Variants in RBBP6 observed in about 807,000 individuals in gnomAD.
RBBP6 encodes the protein E3 ubiquitin-protein ligase RBBP6.
A neutral mutation model predicts 167.7 loss-of-function variants in RBBP6; 25 were observed. That is an observed-to-expected ratio of 0.15 (90% CI 0.11 to 0.21). The LOEUF (loss-of-function observed/expected upper bound fraction) is 0.21, where lower values mean the gene tolerates loss of function less well. Among genes scored for constraint, RBBP6 ranks in the 10% least tolerant of loss-of-function variants. The pLI is 1.00. For missense variants in RBBP6, 1,868 were observed against 2,134.2 expected, an observed-to-expected ratio of 0.88 and a Z score of 2.46; for synonymous variants, 789 against 735.8, an observed-to-expected ratio of 1.07 and a Z score of -1.17.
chr16:24,568,998 T>C lies in RBBP6; in HGVS notation c.2308T>C (p.Ser770Pro). ...SPPYRRYHSR[S>P]RSPQAFRGQS... ...CCCTTACAGACGCTATCATTCACGATCAAGATCTCCTCAAGCGTTTAGGGG... is the reference window on the plus strand; with the variant it reads ...CCCTTACAGACGCTATCATTCACGACCAAGATCTCCTCAAGCGTTTAGGGG... Residue 770 changes from serine (S) to proline (P), a missense_variant, in exon 17 of 18, where the codon TCA (serine) becomes CCA (proline). Coordinates refer to ENST00000319715, the MANE Select transcript of RBBP6 (RefSeq NM_006910.5). 1 of 1,614,142 alleles carries C rather than the reference T, an allele frequency of 6.2e-7. No homozygotes were observed. Among genetic ancestry groups the C allele is most frequent in the Non-Finnish European group, 8.5e-7 (1 of 1,180,002 alleles).
At chr16:24,544,067 A>G (rs547985616) in intron 1 of RBBP6, among the ~76,000 whole-genome samples, 1 of 152,330 alleles carries the variant, frequency 6.6e-6, no homozygotes, top group East Asian at 1.9e-4. Context: ...AAAGTCAGTT[A>G]GAACATCTGT....
chr16:24,564,794 C>A lies in RBBP6; in HGVS notation c.1521-3C>A. ...TGAGCCTATTTTTTTTTCTCCCACACAGTTCCAACAAACTTGGCTATCTGG... is the reference window on the plus strand; with the variant it reads ...TGAGCCTATTTTTTTTTCTCCCACAAAGTTCCAACAAACTTGGCTATCTGG... On this transcript the variant is annotated splice_region_variant and splice_polypyrimidine_tract_variant and intron_variant, in intron 13 of 17. Coordinates refer to ENST00000319715, the MANE Select transcript of RBBP6 (RefSeq NM_006910.5). 6.2e-7 allele frequency: 1 copy of A among 1,611,906 alleles called. No individual in the cohort carries two copies. Among genetic ancestry groups the A allele is most frequent in the Non-Finnish European group, 8.5e-7 (1 of 1,178,670 alleles).
chr16:24,561,562 ACT>A, intron 8 of RBBP6, 48 bp from the exon 9 acceptor site: 3 of 1,444,848 alleles, frequency 2.1e-6, no homozygotes, highest in South Asian at 2.4e-5. Context: ...TTTCGTAAAC[ACT>A]TTGAGTTCCT....
chr16:24,568,883 T>C lies in RBBP6; in HGVS notation c.2193T>C (p.Pro731=), dbSNP rs542297262. The C allele has an allele frequency of 4.3e-6, 7 of 1,614,200 alleles. No homozygotes were observed. The African/African-American group carries it at 9.3e-5, about 22-fold the overall frequency. ...RSHSRSYSRS[P]PYPRRGRGKS... ...ATTCTCGTTCCTATTCACGGTCACC[T>C]CCATACCCCAGAAGAGGCAGAGGCA... The change falls in exon 17 of 18, where the codon CCT becomes CCC. Residue 731 remains proline (P), a synonymous_variant. Transcript: ENST00000319715.
intron 7 of RBBP6, among the ~76,000 whole-genome samples, chr16:24,558,173 T>C (rs921131771): frequency 2.1e-4 from 32 of 152,330 alleles, no homozygotes; most frequent in African/African-American, 7.5e-4. Context: ...AAAATTAGTA[T>C]CACCTGTAAA....
rs772786615 is a variant in RBBP6, at chr16:24,571,026, A to G, written c.3960A>G (p.Lys1320=). 1 of 1,612,966 alleles carries G rather than the reference A, an allele frequency of 6.2e-7. No individual in the cohort carries two copies. The highest frequency in any genetic ancestry group is 8.5e-7 in the Non-Finnish European group (1 of 1,178,988). ...VIIMIQVPQS[K]WDKDDFESEE... Reference sequence around the variant, plus strand: ...TTATGATTCAGGTTCCTCAATCCAAATGGGATAAAGATGACTTTGAATCTG... The same window carrying G: ...TTATGATTCAGGTTCCTCAATCCAAGTGGGATAAAGATGACTTTGAATCTG... The change falls in exon 18 of 18, where the codon AAA becomes AAG. Residue 1320 remains lysine (K), a synonymous_variant. Coordinates refer to ENST00000319715, the MANE Select transcript of RBBP6 (RefSeq NM_006910.5).
rs753355720 is a variant in RBBP6 at position 24,570,514 on chromosome 16, G to T, written c.3809+15G>T. On this transcript the variant is annotated intron_variant, in intron 17 of 17. Transcript: ENST00000319715. The stretch of plus-strand genomic sequence containing the variant: ...GATTACACCAGGTAGCTGAGTGTAG[G>T]GGGTGGGTGTGGAACTTTGTTGGGA... 6.5e-7 allele frequency: 1 copy of T among 1,544,058 alleles called. No homozygotes were observed. Among genetic ancestry groups the T allele is most frequent in the East Asian group, 2.2e-5 (1 of 44,450 alleles).
intron 7 of RBBP6, 111 bp from the exon 8 acceptor site, chr16:24,559,394 C>T: frequency 2.5e-6 from 2 of 797,090 alleles, no homozygotes; most frequent in Non-Finnish European, 3.8e-6. Context: ...CTTGTCTAAA[C>T]TAATTTGGCA....
In RBBP6 at chr16:24,569,767, C is replaced by T. The variant is rs1555473648; in HGVS notation, c.3077C>T (p.Ser1026Phe). 2 of 1,613,916 alleles carry T rather than the reference C, an allele frequency of 1.2e-6. No individual in the cohort carries two copies. Among genetic ancestry groups the T allele is most frequent in the Non-Finnish European group, 1.7e-6 (2 of 1,179,972 alleles). Reference sequence around the variant, plus strand: ...AAAACCAAACGGAAGAATGATGGATCTGCTGTGTCCAAAAAAGAAAATATT... The same window carrying T: ...AAAACCAAACGGAAGAATGATGGATTTGCTGTGTCCAAAAAAGAAAATATT... Reference protein sequence around the residue: ...GDKTKRKNDGSAVSKKENIVK... With the variant: ...GDKTKRKNDGFAVSKKENIVK... The change falls in exon 17 of 18, where the codon TCT (serine) becomes TTT (phenylalanine). Residue 1026 changes from serine to phenylalanine, a missense_variant. Coordinates refer to ENST00000319715, the MANE Select transcript of RBBP6 (RefSeq NM_006910.5).
At chr16:24,553,231 C>A in intron 3 of RBBP6, 1 of 320,164 alleles carries the variant, frequency 3.1e-6, no homozygotes, top group Non-Finnish European at 5.9e-6. Flanking sequence ...ATATGGGACT[C>A]CTAGTATTCA....
intron 4 of RBBP6, chr16:24,553,794 A>C (rs1898853838): frequency 3.3e-6 from 1 of 299,246 alleles, no homozygotes; most frequent in African/African-American, 2.1e-5. Flanking sequence ...TTGAAGCTAC[A>C]CTTAATTATT....
intron 8 of RBBP6, among the ~76,000 whole-genome samples, chr16:24,560,766 A>G (rs1487642304): frequency 1.3e-5 from 2 of 152,238 alleles, no homozygotes; most frequent in African/African-American, 4.8e-5. Context: ...ATTACAAGCA[A>G]TCTAGAGATT....
At chr16:24,570,703 T>C (rs1017791894) in intron 17 of RBBP6, among the ~76,000 whole-genome samples, 173 bp from the exon 18 acceptor site, 1 of 152,226 alleles carries the variant, frequency 6.6e-6, no homozygotes, top group African/African-American at 2.4e-5. Flanking sequence ...CACATTTGTG[T>C]TGATACAATC....
rs771572103 is a variant in RBBP6 at position 24,568,789 on chromosome 16, A to G, written c.2099A>G (p.Tyr700Cys). 1.2e-6 allele frequency: 2 copies of G among 1,614,218 alleles called. No individual in the cohort carries two copies. The highest frequency in any genetic ancestry group is 1.1e-5 in the South Asian group (1 of 91,082). ...GGTTCTTCGTATTCAAGAAGTTCAT[A>G]TACTTATTCTAAATCAAGATCTGGT... The part of the protein sequence containing the change: ...YSGSSYSRSS[Y>C]TYSKSRSGST... Residue 700 changes from tyrosine to cysteine, a missense_variant, in exon 17 of 18, where the codon TAT (tyrosine) becomes TGT (cysteine). Physicochemically the swap from Tyr to Cys is radical, Grantham distance 194 (BLOSUM62 -2). Transcript: ENST00000319715.
intron 3 of RBBP6, among the ~76,000 whole-genome samples, chr16:24,552,700 C>T (rs1238713974): frequency 6.6e-6 from 1 of 151,738 alleles, no homozygotes; most frequent in African/African-American, 2.4e-5. Context: ...ACAAAGATGC[C>T]TCTTCAAATA....
In RBBP6 at chr16:24,563,141, A is replaced by G; in HGVS notation, c.1290-58A>G. Reference sequence around the variant, plus strand: ...TGGGTAAACAGCAGCAAACTTTTTTACTCTTAATTGTCCATTTCTGATAAT... The same window carrying G: ...TGGGTAAACAGCAGCAAACTTTTTTGCTCTTAATTGTCCATTTCTGATAAT... On this transcript the variant is annotated intron_variant, in intron 10 of 17. Transcript: ENST00000319715. The G allele has an allele frequency of 3.6e-6, 5 of 1,393,736 alleles. No individual in the cohort carries two copies. In the South Asian group the frequency reaches 6.5e-5, roughly 18 times the overall value. 86.3% of individuals were successfully genotyped at this position (1,393,736 alleles called of 1,614,324 possible). A position where few individuals can be genotyped will look rare whatever the true frequency, so the allele number is the denominator to read the frequency against.
chr16:24,560,780 T>TA (rs1331923271), intron 8 of RBBP6, among the ~76,000 whole-genome samples: 2 of 152,216 alleles, frequency 1.3e-5, no homozygotes, highest in Non-Finnish European at 2.9e-5. Context: ...AGAGATTATT[T>TA]AAAGTATACT....
At position 24,563,644 on chromosome 16, in the gene RBBP6, T is replaced by C. The variant is rs1294044093; in HGVS notation, c.1500T>C (p.Gly500=). ...GAATAAATACTGCTCGTCCAGGTGG[T>C]GGTCGACCAGGCTGGGAACAGTGAG... ...PVRINTARPG[G]GRPGWEHSNK... Residue 500 remains glycine (G), a synonymous_variant, in exon 13 of 18, where the codon GGT becomes GGC. Transcript: ENST00000319715. 6.2e-7 allele frequency: 1 copy of C among 1,612,000 alleles called. No individual in the cohort carries two copies. The highest frequency in any genetic ancestry group is 1.3e-5 in the African/African-American group (1 of 74,080).
At chr16:24,541,073 A>AT (rs945607916) in intron 1 of RBBP6, among the ~76,000 whole-genome samples, 4 of 149,922 alleles carry the variant, frequency 2.7e-5, no homozygotes, top group African/African-American at 7.4e-5. Context: ...GAGGGAGGAG[A>AT]GGGGGATAGC....
Sources: allele counts gnomAD v4.1 joint callset (sites outside exome capture counted in the v4.1 genomes callset), GRCh38; gene constraint gnomAD v4.1.1; transcripts MANE v1.5; gene names NCBI Gene and HGNC (gene_info 2026-07-23, HGNC 2026-07-21).